NPY2R: variants seen among roughly 807,000 people sequenced by gnomAD.
NPY2R encodes neuropeptide Y receptor type 2.
In NPY2R, 17 loss-of-function variants were observed where a neutral mutation model predicts 22.3. That is an observed-to-expected ratio of 0.76 (90% CI 0.52 to 1.14). NPY2R has a LOEUF of 1.14. Among genes scored for constraint, NPY2R ranks in the 50% most tolerant of loss-of-function variants. NPY2R has a pLI of 0.00. For synonymous variants in NPY2R, 209 were observed against 183.4 expected, an observed-to-expected ratio of 1.14 and a Z score of -1.13; for missense variants, 424 against 467.9, an observed-to-expected ratio of 0.91 and a Z score of 0.87.
At chr4:155,182,981 T>C in the NPY2R span, among the ~76,000 whole-genome samples, 12 of 152,078 alleles carry the variant, frequency 7.9e-5, no homozygotes, top group Non-Finnish European at 1.2e-4. Context: ...TTGGTAGTGA[T>C]GGGGTTTCAC....
the NPY2R span, among the ~76,000 whole-genome samples, chr4:155,180,202 G>A: frequency 1.3e-5 from 2 of 152,158 alleles, no homozygotes; most frequent in South Asian, 4.1e-4. Flanking sequence ...TTACAGGCAT[G>A]AGCTGCTGCA....
upstream of NPY2R, among the ~76,000 whole-genome samples, chr4:155,205,507 G>A (rs888695470): frequency 2.6e-5 from 4 of 152,050 alleles, no homozygotes; most frequent in African/African-American, 9.7e-5. Context: ...TTAATGGAGA[G>A]CTTTTCTGAA....
chr4:155,206,028 A>C (rs948507597), upstream of NPY2R, among the ~76,000 whole-genome samples: 4 of 152,186 alleles, frequency 2.6e-5, no homozygotes, highest in African/African-American at 9.7e-5. Flanking sequence ...TACTCTGAGA[A>C]GCAATCTCCC....
At chr4:155,182,080 T>G in the NPY2R span, among the ~76,000 whole-genome samples, 1 of 152,018 alleles carries the variant, frequency 6.6e-6, no homozygotes. Context: ...ACAGAGAAAA[T>G]AACTAAAGGC....
upstream of NPY2R, among the ~76,000 whole-genome samples, chr4:155,204,625 C>T (rs182195724): frequency 5.9e-4 from 90 of 152,128 alleles, no homozygotes; most frequent in Middle Eastern, 3.4e-3. Context: ...TATAATCATA[C>T]AGTTTATGAC....
At chr4:155,213,344 C>A (rs953316585) in intron 1 of NPY2R, among the ~76,000 whole-genome samples, 1 of 152,176 alleles carries the variant, frequency 6.6e-6, no homozygotes, top group Non-Finnish European at 1.5e-5. Flanking sequence ...CTAAATCCTG[C>A]ACCAAAAACA....
chr4:155,188,335 A>T, the NPY2R span, among the ~76,000 whole-genome samples: 1 of 152,050 alleles, frequency 6.6e-6, no homozygotes, highest in Admixed American at 6.6e-5. Context: ...TCTAAGCTTA[A>T]TCCTTGCCAA....
the NPY2R span, among the ~76,000 whole-genome samples, chr4:155,182,096 A>G: frequency 6.6e-6 from 1 of 152,212 alleles, no homozygotes; most frequent in East Asian, 1.9e-4. Flanking sequence ...AAGGCTAATT[A>G]ATCATGGGCT....
At chr4:155,202,263 C>T in the NPY2R span, among the ~76,000 whole-genome samples, 1 of 152,120 alleles carries the variant, frequency 6.6e-6, no homozygotes, top group Non-Finnish European at 1.5e-5. Flanking sequence ...TCTAATTCTT[C>T]CCATACACAA....
chr4:155,216,360 A>G lies in NPY2R; in HGVS notation c.*1275A>G, dbSNP rs1253345190. The G allele has an allele frequency of 6.0e-6, 1 of 166,730 alleles. No homozygotes were observed. The highest frequency in any genetic ancestry group is 1.9e-4 in the East Asian group (1 of 5,200). The allele number at this position is 166,730 out of a possible 1,614,324, so 10.3% of individuals were successfully genotyped here. A position where few individuals can be genotyped will look rare whatever the true frequency, so the allele number is the denominator to read the frequency against. On this transcript the variant is annotated 3_prime_UTR_variant, in exon 2 of 2. Coordinates refer to ENST00000329476, the MANE Select transcript of NPY2R (RefSeq NM_000910.4). Reference sequence around the variant, plus strand: ...TAATTATATTATGAATAAAATTGTTATTTCAATAGTACCCAACCAAAGATG... The same window carrying G: ...TAATTATATTATGAATAAAATTGTTGTTTCAATAGTACCCAACCAAAGATG...
At chr4:155,212,579 C>A (rs1368989927) in intron 1 of NPY2R, among the ~76,000 whole-genome samples, 1 of 152,020 alleles carries the variant, frequency 6.6e-6, no homozygotes, top group Non-Finnish European at 1.5e-5. Context: ...GGTAAAGCCA[C>A]CCCTGGCATT....
the NPY2R span, among the ~76,000 whole-genome samples, chr4:155,201,497 G>A: frequency 2.0e-5 from 3 of 152,076 alleles, no homozygotes; most frequent in Non-Finnish European, 2.9e-5. Flanking sequence ...GAGATGAACC[G>A]CCTAACTGGG....
rs774633719 is a variant in NPY2R, at chr4:155,215,149, G to A, written c.*64G>A. On this transcript the variant is annotated 3_prime_UTR_variant, in exon 2 of 2. Coordinates refer to ENST00000329476, the MANE Select transcript of NPY2R (RefSeq NM_000910.4). ...CAGAGCTATGAATCTGGTTGATGGCGGCTCACAAGTGAAAACTGATTTCCC... is the reference window on the plus strand; with the variant it reads ...CAGAGCTATGAATCTGGTTGATGGCAGCTCACAAGTGAAAACTGATTTCCC... The A allele has an allele frequency of 3.0e-5, 43 of 1,431,688 alleles. No homozygotes were observed. Among genetic ancestry groups the A allele is most frequent in the Middle Eastern group, 1.7e-4 (1 of 5,754 alleles). 88.7% of individuals were successfully genotyped at this position (1,431,688 alleles called of 1,614,324 possible). A position where few individuals can be genotyped will look rare whatever the true frequency, so the allele number is the denominator to read the frequency against.
At chr4:155,198,309 T>C in the NPY2R span, among the ~76,000 whole-genome samples, 1 of 151,718 alleles carries the variant, frequency 6.6e-6, no homozygotes, top group Non-Finnish European at 1.5e-5. Context: ...CATAGTTATA[T>C]GCCTGATGAA....
chr4:155,195,307 C>G, the NPY2R span, among the ~76,000 whole-genome samples: 2 of 151,756 alleles, frequency 1.3e-5, no homozygotes, highest in Non-Finnish European at 2.9e-5. Context: ...GATATTCACC[C>G]GTTAAGTGCT....
At chr4:155,201,891 C>G in the NPY2R span, among the ~76,000 whole-genome samples, 1 of 152,238 alleles carries the variant, frequency 6.6e-6, no homozygotes, top group South Asian at 2.1e-4. Context: ...ACACATCAGT[C>G]TTATCCAGGA....
chr4:155,185,770 G>A, the NPY2R span, among the ~76,000 whole-genome samples: 1 of 115,320 alleles, frequency 8.7e-6, no homozygotes, highest in Non-Finnish European at 1.8e-5. Flanking sequence ...AATCATGTGT[G>A]CCTGGTGGGT....
chr4:155,178,345 A>C, the NPY2R span, among the ~76,000 whole-genome samples: 1 of 151,750 alleles, frequency 6.6e-6, no homozygotes, highest in Non-Finnish European at 1.5e-5. Flanking sequence ...TCTTGTTATC[A>C]ATTTAACTCC....
the NPY2R span, among the ~76,000 whole-genome samples, chr4:155,200,542 A>T: frequency 6.6e-6 from 1 of 152,186 alleles, no homozygotes; most frequent in Non-Finnish European, 1.5e-5. Context: ...TACTTTAAAG[A>T]CACACGTACA....
Sources: gnomAD v4.1 joint callset for allele counts (sites outside exome capture counted in the v4.1 genomes callset) on GRCh38, gnomAD v4.1.1 for gene constraint, MANE v1.5 for transcripts, NCBI Gene and HGNC (gene_info 2026-07-23, HGNC 2026-07-21) for gene names.